TMEM132D: variants seen among roughly 807,000 people sequenced by gnomAD.
The protein encoded by TMEM132D is mature OL transmembrane protein.
TMEM132D carries 21 observed loss-of-function variants against 62.3 expected under a neutral mutation model. The ratio of observed to expected loss-of-function variants is 0.34; its 90% CI spans 0.24 to 0.49. The LOEUF is 0.49. Ranked by LOEUF, TMEM132D falls within the 20% of genes least tolerant of loss-of-function variation. The pLI is 0.99. For missense variants in TMEM132D, 1,346 were observed against 1,402.8 expected (o/e 0.96, Z 0.65); for synonymous variants, 621 against 575.6 (o/e 1.08, Z -1.13).
chr12:129,378,027 C>A (rs949433085), intron 3 of TMEM132D, among the ~76,000 whole-genome samples: 3 of 152,240 alleles, frequency 2.0e-5, no homozygotes, highest in Non-Finnish European at 4.4e-5. Context: ...GTCATCTTGA[C>A]AGCTTCTGCT....
intron 5 of TMEM132D, among the ~76,000 whole-genome samples, chr12:129,124,784 T>G (rs1170717911): frequency 6.6e-6 from 1 of 152,186 alleles, no homozygotes; most frequent in Non-Finnish European, 1.5e-5. Context: ...TCCTTGTACA[T>G]AACTTTTGGT....
At chr12:129,445,665 G>A (rs898438649) in intron 3 of TMEM132D, among the ~76,000 whole-genome samples, 7 of 152,076 alleles carry the variant, frequency 4.6e-5, no homozygotes, top group African/African-American at 1.7e-4. Context: ...CAGGTCATGG[G>A]TTCATTAAGC....
chr12:129,823,534 C>T (rs560586025), intron 1 of TMEM132D, among the ~76,000 whole-genome samples: 63 of 152,358 alleles, frequency 4.1e-4, no homozygotes, highest in African/African-American at 1.3e-3. Flanking sequence ...GTAAGGAGAG[C>T]GGGCTCAGGC....
At chr12:129,455,702 C>A (rs1285637652) in intron 3 of TMEM132D, among the ~76,000 whole-genome samples, 1 of 152,088 alleles carries the variant, frequency 6.6e-6, no homozygotes, top group Non-Finnish European at 1.5e-5. Flanking sequence ...GGCTCAGGAG[C>A]ACATTATGTG....
At chr12:129,836,891 C>T (rs1873023572) in intron 1 of TMEM132D, among the ~76,000 whole-genome samples, 1 of 152,204 alleles carries the variant, frequency 6.6e-6, no homozygotes, top group Admixed American at 6.5e-5. Flanking sequence ...CACATTGTAG[C>T]TATAGCCATT....
At chr12:129,783,317 GGA>G (rs1240358427) in intron 1 of TMEM132D, among the ~76,000 whole-genome samples, 1 of 152,100 alleles carries the variant, frequency 6.6e-6, no homozygotes, top group Admixed American at 6.5e-5. Flanking sequence ...TCAGAGGGTT[GGA>G]AACACACTAG....
At chr12:129,136,753 C>CCACCATCAT (rs879492972) in intron 5 of TMEM132D, among the ~76,000 whole-genome samples, 5,801 of 125,164 alleles carry the variant, frequency 0.046, 177 homozygotes, top group African/African-American at 0.092. Context: ...ATCACCACCT[C>CCACCATCAT]CACCATCATC....
At chr12:129,728,580 A>G (rs1417529359) in intron 1 of TMEM132D, among the ~76,000 whole-genome samples, 2 of 152,240 alleles carry the variant, frequency 1.3e-5, no homozygotes, top group Non-Finnish European at 2.9e-5. Flanking sequence ...CCAAGGGCTG[A>G]GCAGTAATGG....
At chr12:129,891,515 G>A (rs1011896131) in intron 1 of TMEM132D, among the ~76,000 whole-genome samples, 1 of 152,190 alleles carries the variant, frequency 6.6e-6, no homozygotes, top group African/African-American at 2.4e-5. Context: ...CAGGTTCAGC[G>A]GACTGGACAC....
intron 3 of TMEM132D, among the ~76,000 whole-genome samples, chr12:129,348,807 T>C (rs1471108971): frequency 6.6e-6 from 1 of 152,242 alleles, no homozygotes; most frequent in Admixed American, 6.5e-5. Context: ...GAACCAATGA[T>C]GGCCGAAATA....
At position 129,238,203 on chromosome 12, in the gene TMEM132D, C is replaced by T. The variant is rs1440315521; in HGVS notation, c.1300-28540G>A. Among the ~76,000 whole-genome samples the T allele has an allele frequency of 2.6e-5, 4 of 152,228 alleles. No individual in the cohort carries two copies. In the East Asian group the frequency reaches 7.7e-4, roughly 29 times the overall value. ...TGCACACAGGCAAGACGGCCCCAGA[C>T]TTGTTGACATTTTTATTCAATGCAA... On this transcript the variant is annotated intron_variant, in intron 4 of 8. Coordinates refer to ENST00000422113, the MANE Select transcript of TMEM132D (RefSeq NM_133448.3).
At chr12:129,521,134 C>G (rs1875836992) in intron 3 of TMEM132D, among the ~76,000 whole-genome samples, 1 of 152,120 alleles carries the variant, frequency 6.6e-6, no homozygotes, top group East Asian at 1.9e-4. Flanking sequence ...GGTATTCTGT[C>G]CACAAAACAG....
At chr12:129,162,633 G>A (rs74352117) in intron 5 of TMEM132D, among the ~76,000 whole-genome samples, 1,787 of 152,082 alleles carry the variant, frequency 0.012, 42 homozygotes, top group African/African-American at 0.041. Context: ...CTCTTGCTCT[G>A]AGTTCACATG....
intron 5 of TMEM132D, among the ~76,000 whole-genome samples, chr12:129,088,148 C>A (rs34305044): frequency 3.4e-3 from 36 of 10,614 alleles, no homozygotes; most frequent in Middle Eastern, 0.1. Context: ...GGTGTCCTCC[C>A]TGACCGGGTG....
chr12:129,579,682 C>T (rs1320810178), intron 2 of TMEM132D, among the ~76,000 whole-genome samples: 1 of 152,198 alleles, frequency 6.6e-6, no homozygotes, highest in Non-Finnish European at 1.5e-5. Flanking sequence ...CTTCTTCTGC[C>T]TGCTTTTTCT....
At chr12:129,543,404 G>GGATA (rs57860087) in intron 2 of TMEM132D, among the ~76,000 whole-genome samples, 61,083 of 138,826 alleles carry the variant, frequency 0.44, 18,965 homozygotes, top group East Asian at 0.56. Flanking sequence ...ATGGATGGAT[G>GGATA]GATAGACAGA....
chr12:129,709,553 G>A (rs1003661883), intron 1 of TMEM132D, among the ~76,000 whole-genome samples: 2 of 152,140 alleles, frequency 1.3e-5, no homozygotes, highest in African/African-American at 2.4e-5. Flanking sequence ...GAAGCAAAAG[G>A]TTCCCAAAGG....
At position 129,096,146 on chromosome 12, in the gene TMEM132D, A is replaced by C. The variant is rs569914549; in HGVS notation, c.1444-11444T>G. On this transcript the variant is annotated intron_variant, in intron 5 of 8. Coordinates refer to ENST00000422113, the MANE Select transcript of TMEM132D (RefSeq NM_133448.3). ...GATTGTGACAGTAACCCAGCAAGGT[A>C]GGCATTATTACAATCCCCACTGTGC... is the stretch of plus-strand genomic sequence containing the variant. 9.2e-5 allele frequency among the ~76,000 whole-genome samples: 14 copies of C among 152,306 alleles called. 1 individual carries two copies. Among genetic ancestry groups the C allele is most frequent in the Admixed American group, 7.8e-4 (12 of 15,300 alleles).
At chr12:129,640,748 T>TA (rs1309887874) in intron 2 of TMEM132D, among the ~76,000 whole-genome samples, 1 of 152,118 alleles carries the variant, frequency 6.6e-6, no homozygotes, top group African/African-American at 2.4e-5. Flanking sequence ...CCATGACACA[T>TA]AGCAGAAGGT....
Sources: allele counts gnomAD v4.1 joint callset (sites outside exome capture counted in the v4.1 genomes callset), GRCh38; gene constraint gnomAD v4.1.1; transcripts MANE v1.5; gene names NCBI Gene and HGNC (gene_info 2026-07-23, HGNC 2026-07-21).